GRM8: variants seen among roughly 807,000 people sequenced by gnomAD.
The protein encoded by GRM8 is metabotropic glutamate receptor 8.
A neutral mutation model predicts 87.2 loss-of-function variants in GRM8; 47 were observed. That is an observed-to-expected ratio of 0.54 (90% CI 0.43 to 0.69). The LOEUF is 0.69. GRM8 is among the 30% of genes least tolerant of loss of function. The pLI, the probability that GRM8 is intolerant of heterozygous loss-of-function variation, is 0.00. For missense variants in GRM8, 1,019 were observed against 1,139.2 expected, an observed-to-expected ratio of 0.89 and a Z score of 1.52; for synonymous variants, 396 against 404.5, an observed-to-expected ratio of 0.98 and a Z score of 0.25.
intron 6 of GRM8, among the ~76,000 whole-genome samples, chr7:126,885,655 C>T (rs2131031917): frequency 6.6e-6 from 1 of 152,224 alleles, no homozygotes; most frequent in African/African-American, 2.4e-5. Flanking sequence ...AGAAAGTGAA[C>T]TTAAAATGTC....
chr7:127,174,750 T>C (rs375229498), intron 2 of GRM8, among the ~76,000 whole-genome samples: 4 of 152,270 alleles, frequency 2.6e-5, no homozygotes, highest in South Asian at 4.1e-4. Context: ...TTCCTAACCA[T>C]GTATAAAAAG....
chr7:126,665,489 T>G (rs939713350), intron 7 of GRM8, among the ~76,000 whole-genome samples: 1 of 151,876 alleles, frequency 6.6e-6, no homozygotes, highest in Non-Finnish European at 1.5e-5. Context: ...CCTAAGAAAA[T>G]TAATGCAGGA....
chr7:126,767,930 C>T (rs1467957558), intron 7 of GRM8, among the ~76,000 whole-genome samples: 1 of 152,062 alleles, frequency 6.6e-6, no homozygotes, highest in African/African-American at 2.4e-5. Context: ...CCATAACCCT[C>T]ATCTGAGCTA....
intron 8 of GRM8, among the ~76,000 whole-genome samples, chr7:126,541,865 G>A (rs1816581816): frequency 6.6e-6 from 1 of 152,176 alleles, no homozygotes; most frequent in Non-Finnish European, 1.5e-5. Flanking sequence ...GTTGAATTGT[G>A]TACCTCCCAA....
At chr7:127,204,660 A>T (rs562526651) in intron 2 of GRM8, among the ~76,000 whole-genome samples, 360 of 147,992 alleles carry the variant, frequency 2.4e-3, no homozygotes, top group African/African-American at 8.5e-3. Context: ...TACTGTCCAA[A>T]TTTTTTTTTT....
chr7:126,646,045 A>G (rs1388814840), intron 7 of GRM8, among the ~76,000 whole-genome samples: 1 of 152,086 alleles, frequency 6.6e-6, no homozygotes, highest in Non-Finnish European at 1.5e-5. Context: ...TGTTACATTA[A>G]GGGTCAATCC....
intron 6 of GRM8, among the ~76,000 whole-genome samples, chr7:126,789,355 G>A (rs1821020680): frequency 6.6e-6 from 1 of 151,920 alleles, no homozygotes; most frequent in Non-Finnish European, 1.5e-5. Flanking sequence ...AGCAAACAAG[G>A]CAACACATAA....
intron 6 of GRM8, among the ~76,000 whole-genome samples, chr7:126,834,003 G>T (rs975244635): frequency 6.6e-6 from 1 of 152,128 alleles, no homozygotes; most frequent in Non-Finnish European, 1.5e-5. Context: ...AGAAGGGATT[G>T]CTTGCAAAGT....
At chr7:127,041,612 C>A (rs1353821043) in intron 3 of GRM8, among the ~76,000 whole-genome samples, 1 of 152,158 alleles carries the variant, frequency 6.6e-6, no homozygotes, top group East Asian at 1.9e-4. Context: ...GTTCTATGAA[C>A]AAAAGTTCTC....
Position 126,451,117 on chromosome 7 carries a change from A to C in GRM8, c.2431-4745T>G, listed in dbSNP as rs1226438299. ...TATAGCTAGTCCTCTTTTAAAAATC[A>C]CTTATATACTGACAAATTCCGGGCT... On this transcript the variant is annotated intron_variant, in intron 9 of 10. Coordinates refer to ENST00000339582, the MANE Select transcript of GRM8 (RefSeq NM_000845.3). Among the ~76,000 whole-genome samples, 3 of 151,812 alleles carry C rather than the reference A, an allele frequency of 2.0e-5. No individual in the cohort carries two copies. The East Asian group carries it at 5.9e-4, about 30-fold the overall frequency.
At chr7:127,231,747 A>G (rs1797695210) in intron 2 of GRM8, among the ~76,000 whole-genome samples, 1 of 152,148 alleles carries the variant, frequency 6.6e-6, no homozygotes, top group South Asian at 2.1e-4. Context: ...GGGAATTCCA[A>G]CCCAAAGGAC....
chr7:126,564,055 T>C (rs1793977170), intron 8 of GRM8, among the ~76,000 whole-genome samples: 2 of 152,182 alleles, frequency 1.3e-5, no homozygotes, highest in South Asian at 2.1e-4. Context: ...CCAGAACCCT[T>C]TGGAGATGAG....
chr7:127,028,441 T>C (rs183173654), intron 3 of GRM8, among the ~76,000 whole-genome samples: 83 of 152,262 alleles, frequency 5.5e-4, no homozygotes, highest in Non-Finnish European at 1.1e-3. Context: ...TGGTAGAATT[T>C]GGCTGTGAAT....
chr7:127,168,666 T>C (rs2116299328), intron 2 of GRM8, among the ~76,000 whole-genome samples: 1 of 152,230 alleles, frequency 6.6e-6, no homozygotes, highest in Non-Finnish European at 1.5e-5. Context: ...CACCATGGAA[T>C]ACTATAGAGC....
chr7:126,501,716 A>G (rs946469219), intron 9 of GRM8, among the ~76,000 whole-genome samples: 1 of 152,014 alleles, frequency 6.6e-6, no homozygotes, highest in Non-Finnish European at 1.5e-5. Context: ...CCAAATCTCA[A>G]GTCAGAGAGC....
chr7:127,193,979 A>G (rs1795155022), intron 2 of GRM8, among the ~76,000 whole-genome samples: 1 of 152,312 alleles, frequency 6.6e-6, no homozygotes, highest in South Asian at 2.1e-4. Context: ...ATGAGGCCCT[A>G]TCTCAAAGAT....
intron 7 of GRM8, among the ~76,000 whole-genome samples, chr7:126,629,284 A>G (rs1399320332): frequency 6.6e-6 from 1 of 152,170 alleles, no homozygotes; most frequent in Non-Finnish European, 1.5e-5. Flanking sequence ...ATAAACTATA[A>G]CTGTGTGGGA....
At chr7:126,918,704 C>T (rs563932454) in intron 3 of GRM8, among the ~76,000 whole-genome samples, 29 of 152,254 alleles carry the variant, frequency 1.9e-4, no homozygotes, top group African/African-American at 6.7e-4. Flanking sequence ...GTCAATATTG[C>T]ATTATTTAAA....
chr7:126,860,559 C>T (rs963397006), intron 6 of GRM8, among the ~76,000 whole-genome samples: 3 of 152,000 alleles, frequency 2.0e-5, no homozygotes, highest in Non-Finnish European at 2.9e-5. Context: ...GAAACAATTA[C>T]TAATTAAAAT....
Sources: allele counts gnomAD v4.1 joint callset (sites outside exome capture counted in the v4.1 genomes callset), GRCh38; gene constraint gnomAD v4.1.1; transcripts MANE v1.5; gene names NCBI Gene and HGNC (gene_info 2026-07-23, HGNC 2026-07-21).